The following ELF2 variants were observed in gnomAD, a reference collection of about 807,000 sequenced individuals.
The protein encoded by ELF2 is ETS-related transcription factor Elf-2.
A neutral mutation model predicts 54.8 loss-of-function variants in ELF2; 11 were observed. That is an observed-to-expected ratio of 0.20 (90% CI 0.13 to 0.33). ELF2 has a LOEUF of 0.33. Ranked by LOEUF, ELF2 falls within the 10% of genes least tolerant of loss-of-function variation. The pLI, the probability that ELF2 is intolerant of heterozygous loss-of-function variation, is 1.00. For synonymous variants in ELF2, 203 were observed against 245.1 expected (o/e 0.83, Z 1.61); for missense variants, 513 against 703.0 (o/e 0.73, Z 3.06).
intron 4 of ELF2, among the ~76,000 whole-genome samples, chr4:139,092,970 T>G (rs1407518969): frequency 1.3e-5 from 2 of 149,900 alleles, no homozygotes; most frequent in Non-Finnish European, 3.0e-5. Context: ...AAATAATTTT[T>G]TTTTTTTTTT....
At chr4:139,106,249 T>TA (rs2148797362) in intron 4 of ELF2, among the ~76,000 whole-genome samples, 1 of 152,224 alleles carries the variant, frequency 6.6e-6, no homozygotes, top group East Asian at 1.9e-4. Context: ...TTTTTTCCTT[T>TA]AAAAAAAGAA....
intron 4 of ELF2, among the ~76,000 whole-genome samples, chr4:139,124,185 C>G (rs1736677395): frequency 6.6e-6 from 1 of 152,148 alleles, no homozygotes; most frequent in Non-Finnish European, 1.5e-5. Context: ...GCTTGGCTGC[C>G]TATTTTGATA....
chr4:139,128,999 C>T (rs1404363180), intron 3 of ELF2, among the ~76,000 whole-genome samples: 1 of 151,960 alleles, frequency 6.6e-6, no homozygotes, highest in African/African-American at 2.4e-5. Context: ...AGTGCAATGG[C>T]GCAATCTTGA....
chr4:139,150,316 G>A (rs1739739468), intron 1 of ELF2, among the ~76,000 whole-genome samples: 1 of 149,798 alleles, frequency 6.7e-6, no homozygotes, highest in Non-Finnish European at 1.5e-5. Context: ...GCAGTAAGCC[G>A]AGATCACACC....
intron 4 of ELF2, among the ~76,000 whole-genome samples, chr4:139,077,539 T>G (rs1730475170): frequency 6.6e-6 from 1 of 152,182 alleles, no homozygotes; most frequent in Non-Finnish European, 1.5e-5. Context: ...AATGCCAGTT[T>G]CCAAAACTTA....
At chr4:139,146,138 T>G (rs1017405294) in intron 1 of ELF2, among the ~76,000 whole-genome samples, 4 of 152,308 alleles carry the variant, frequency 2.6e-5, no homozygotes, top group African/African-American at 9.6e-5. Context: ...TGAAGATTCC[T>G]CCAAAGACTA....
upstream of ELF2, chr4:139,177,307 G>A (rs1465105193): frequency 7.0e-6 from 1 of 143,866 alleles, no homozygotes; most frequent in Non-Finnish European, 1.5e-5. Context: ...CCTCCACCAG[G>A]ACACTGGAGT....
chr4:139,114,555 T>G (rs7655959), intron 4 of ELF2, among the ~76,000 whole-genome samples: 1 of 115,104 alleles, frequency 8.7e-6, no homozygotes. Context: ...GAGCGAGACT[T>G]CAGTCTCACA....
At chr4:139,084,930 T>C (rs757642901) in intron 4 of ELF2, among the ~76,000 whole-genome samples, 1 of 152,290 alleles carries the variant, frequency 6.6e-6, no homozygotes, top group South Asian at 2.1e-4. Context: ...ACTTCGTCCT[T>C]TTCCCTTAAC....
intron 3 of ELF2, among the ~76,000 whole-genome samples, chr4:139,126,899 A>G (rs1736977469): frequency 6.6e-6 from 1 of 152,218 alleles, no homozygotes; most frequent in African/African-American, 2.4e-5. Context: ...TCAACATAGG[A>G]GAGAAACAAT....
intron 3 of ELF2, among the ~76,000 whole-genome samples, chr4:139,129,928 G>C (rs1260818593): frequency 2.6e-5 from 4 of 152,118 alleles, no homozygotes; most frequent in Non-Finnish European, 4.4e-5. Context: ...CCTGTCATGG[G>C]CTGAATTGTG....
At chr4:139,129,308 G>C (rs1737261139) in intron 3 of ELF2, among the ~76,000 whole-genome samples, 1 of 152,280 alleles carries the variant, frequency 6.6e-6, no homozygotes, top group East Asian at 1.9e-4. Flanking sequence ...AGCCAACTTA[G>C]TGAGGTTCTA....
At chr4:139,167,687 C>T (rs1047651530) in intron 1 of ELF2, among the ~76,000 whole-genome samples, 1 of 152,130 alleles carries the variant, frequency 6.6e-6, no homozygotes, top group African/African-American at 2.4e-5. Flanking sequence ...ATTATTAAAA[C>T]AGAAATTGCT....
At chr4:139,114,559 T>TCACACACACACACA (rs1410927721) in intron 4 of ELF2, among the ~76,000 whole-genome samples, 78 of 27,586 alleles carry the variant, frequency 2.8e-3, no homozygotes, top group African/African-American at 8.1e-3. Flanking sequence ...GAGACTTCAG[T>TCACACACACACACA]CTCACACACA....
Position 139,059,088 on chromosome 4 carries a change from T to A in ELF2, c.1677A>T (p.Ala559=), listed in dbSNP as rs1464706275. 5.6e-6 allele frequency: 9 copies of A among 1,613,892 alleles called. No homozygotes were observed. The highest frequency in any genetic ancestry group is 5.9e-6 in the Non-Finnish European group (7 of 1,179,868). ...KTLQLVEEKP[A]DGNKTVTHVV... ...CGTGGGTCACTGTCTTATTTCCATC[T>A]GCTGGTTTTTCTTCTACTAGCTGCA... The change falls in exon 10 of 10, where the codon GCA becomes GCT. Residue 559 remains alanine, a synonymous_variant. Coordinates refer to ENST00000686138, the MANE Select transcript of ELF2 (RefSeq NM_001331036.3).
chr4:139,157,819 G>C (rs1436000344), intron 1 of ELF2, among the ~76,000 whole-genome samples: 1 of 152,218 alleles, frequency 6.6e-6, no homozygotes, highest in Non-Finnish European at 1.5e-5. Context: ...ACGACGATTT[G>C]TTCAACCTGT....
At chr4:139,092,717 C>A (rs1026163937) in intron 4 of ELF2, among the ~76,000 whole-genome samples, 1 of 151,764 alleles carries the variant, frequency 6.6e-6, no homozygotes, top group Non-Finnish European at 1.5e-5. Context: ...AGAAGAATGG[C>A]GTGAACCTGG....
intron 1 of ELF2, among the ~76,000 whole-genome samples, chr4:139,158,075 C>CAG (rs941054965): frequency 6.6e-6 from 1 of 151,888 alleles, no homozygotes; most frequent in African/African-American, 2.4e-5. Context: ...AAGAAAGAGT[C>CAG]AGAGAAGGGA....
At chr4:139,138,415 CA>C (rs576340729) in intron 2 of ELF2, among the ~76,000 whole-genome samples, 275 of 125,258 alleles carry the variant, frequency 2.2e-3, no homozygotes, top group Middle Eastern at 4.2e-3. Flanking sequence ...GATTCCACCT[CA>C]AAAAAAAAAA....
Sources: gnomAD v4.1 joint callset for allele counts (sites outside exome capture counted in the v4.1 genomes callset) on GRCh38, gnomAD v4.1.1 for gene constraint, MANE v1.5 for transcripts, NCBI Gene and HGNC (gene_info 2026-07-23, HGNC 2026-07-21) for gene names.